Variants in BLOC1S2 observed in about 807,000 individuals in gnomAD.
BLOC1S2 encodes biogenesis of lysosome-related organelles complex 1 subunit 2.
A neutral mutation model predicts 19.6 loss-of-function variants in BLOC1S2; 12 were observed. The ratio of observed to expected loss-of-function variants is 0.61; its 90% CI spans 0.39 to 0.99. The LOEUF is 0.99. Among genes scored for constraint, BLOC1S2 ranks in the 50% least tolerant of loss-of-function variants. The pLI is 0.00. For synonymous variants in BLOC1S2, 66 were observed against 64.1 expected, an observed-to-expected ratio of 1.03 and a Z score of -0.14; for missense variants, 142 against 171.0, an observed-to-expected ratio of 0.83 and a Z score of 0.95.
At chr10:100,278,695 T>A (rs1280959789) in intron 4 of BLOC1S2, among the ~76,000 whole-genome samples, 1 of 152,224 alleles carries the variant, frequency 6.6e-6, no homozygotes, top group Non-Finnish European at 1.5e-5. Flanking sequence ...ACAAACACTC[T>A]GCCTAGGAAA....
intron 1 of BLOC1S2, 180 bp downstream of exon 1, chr10:100,286,425 C>G: frequency 6.8e-7 from 1 of 1,466,108 alleles, no homozygotes; most frequent in Non-Finnish European, 9.1e-7. Context: ...CCCGGCACCC[C>G]CGCTCATCCT....
chr10:100,276,810 G>A (rs1330242216), intron 4 of BLOC1S2, among the ~76,000 whole-genome samples: 2 of 151,780 alleles, frequency 1.3e-5, no homozygotes, highest in Admixed American at 6.6e-5. Flanking sequence ...AGTGCTCAAT[G>A]GTGCCCAGGC....
At chr10:100,278,909 G>A (rs1322119062) in intron 4 of BLOC1S2, among the ~76,000 whole-genome samples, 3 of 151,782 alleles carry the variant, frequency 2.0e-5, no homozygotes, top group Admixed American at 6.6e-5. Context: ...AACACAGCAA[G>A]GCCTTGTTTC....
intron 2 of BLOC1S2, among the ~76,000 whole-genome samples, chr10:100,284,656 A>G (rs570234068): frequency 2.0e-5 from 3 of 152,156 alleles, no homozygotes; most frequent in South Asian, 4.1e-4. Context: ...ACACCTGGCT[A>G]ATTTTTGTAT....
rs773438025 is a variant in BLOC1S2 at position 100,280,247 on chromosome 10, A to G, written c.293-19T>C. The G allele has an allele frequency of 4.4e-6, 7 of 1,575,410 alleles. No individual in the cohort carries two copies. Among genetic ancestry groups the G allele is most frequent in the Non-Finnish European group, 5.2e-6 (6 of 1,157,790 alleles). On this transcript the variant is annotated intron_variant, in intron 3 of 4. Transcript: ENST00000370372. ...CCAGCATCTTTAAAAACAAAGAAAAACTTCATGTTTATATGGCTTTATTAA... is the reference window on the plus strand; with the variant it reads ...CCAGCATCTTTAAAAACAAAGAAAAGCTTCATGTTTATATGGCTTTATTAA...
At chr10:100,280,379 T>C (rs569835432) in intron 3 of BLOC1S2, 151 bp from the exon 4 acceptor site, 13 of 630,382 alleles carry the variant, frequency 2.1e-5, no homozygotes, top group Non-Finnish European at 3.4e-5. Flanking sequence ...GCAGGGCAGA[T>C]GCTTTAGAAG....
rs887036091 is a variant in BLOC1S2, at chr10:100,279,916, T to C, written c.397+208A>G. 8.8e-6 allele frequency: 3 copies of C among 341,842 alleles called. No homozygotes were observed. The Admixed American group carries it at 1.4e-4, about 16-fold the overall frequency. The allele number at this position is 341,842 out of a possible 1,614,324, so 21.2% of individuals were successfully genotyped here. ...AACCAAAAACAAAAACCAAACATAA[T>C]ACATGTAAAGCACTAAGAACAGTGC... On this transcript the variant is annotated intron_variant, in intron 4 of 4. Coordinates refer to ENST00000370372, the MANE Select transcript of BLOC1S2 (RefSeq NM_173809.5).
rs1482603354 is a variant in BLOC1S2 at position 100,275,060 on chromosome 10, T to C, written c.*402A>G. 1 of 400,032 alleles carries C rather than the reference T, an allele frequency of 2.5e-6. No individual in the cohort carries two copies. Among genetic ancestry groups the C allele is most frequent in the Admixed American group, 4.4e-5 (1 of 22,860 alleles). 24.8% of individuals were successfully genotyped at this position (400,032 alleles called of 1,614,324 possible). A position where few individuals can be genotyped will look rare whatever the true frequency, so the allele number is the denominator to read the frequency against. ...TCTTGTTTACAACACATTAGCATCA[T>C]TAACAGAAAAACGACCATTTACATA... On this transcript the variant is annotated 3_prime_UTR_variant, in exon 5 of 5. Transcript: ENST00000370372.
intron 4 of BLOC1S2, among the ~76,000 whole-genome samples, chr10:100,279,562 G>A (rs532583498): frequency 7.9e-5 from 12 of 152,058 alleles, no homozygotes; most frequent in South Asian, 6.2e-4. Context: ...GTGAAACCTC[G>A]TCTCTACTAA....
chr10:100,277,485 CG>C (rs1847930212), intron 4 of BLOC1S2, among the ~76,000 whole-genome samples: 2 of 129,354 alleles, frequency 1.5e-5, no homozygotes, highest in African/African-American at 5.9e-5. Context: ...CCCGGCCAGC[CG>C]TCCCGTCCGG....
chr10:100,285,058 C>A (rs1848199357), intron 2 of BLOC1S2, among the ~76,000 whole-genome samples: 3 of 148,978 alleles, frequency 2.0e-5, no homozygotes, highest in Admixed American at 6.8e-5. Context: ...CATAGTGAGA[C>A]CCTGTCTCTT....
At chr10:100,280,282 T>C (rs1848071648) in intron 3 of BLOC1S2, 54 bp from the exon 4 acceptor site, 2 of 1,482,432 alleles carry the variant, frequency 1.3e-6, no homozygotes. Context: ...ACAAAGAATA[T>C]AGGAAAAGAG....
Position 100,286,660 on chromosome 10 carries a change from A to T in BLOC1S2, c.-1T>A. 1 of 1,610,464 alleles carries T rather than the reference A, an allele frequency of 6.2e-7. No individual in the cohort carries two copies. The highest frequency in any genetic ancestry group is 2.2e-5 in the East Asian group (1 of 44,786). Reference sequence around the variant, plus strand: ...GTACGCCCTCGGCTGCCGCCGCCATAGCGGACCCCGCGCTGTTTCCGGGCC... The same window carrying T: ...GTACGCCCTCGGCTGCCGCCGCCATTGCGGACCCCGCGCTGTTTCCGGGCC... On this transcript the variant is annotated 5_prime_UTR_variant, in exon 1 of 5. Transcript: ENST00000370372.
chr10:100,275,512 A>T lies in BLOC1S2; in HGVS notation c.398-19T>A, dbSNP rs1847828571. 6.3e-7 allele frequency: 1 copy of T among 1,597,914 alleles called. No individual in the cohort carries two copies. Among genetic ancestry groups the T allele is most frequent in the Non-Finnish European group, 8.5e-7 (1 of 1,171,432 alleles). On this transcript the variant is annotated intron_variant, in intron 4 of 4. Coordinates refer to ENST00000370372, the MANE Select transcript of BLOC1S2 (RefSeq NM_173809.5). ...TTGGCTTCTGTGAGGGATGAGGGAG[A>T]GTTACATCTTTTAAAACTGGCTCTT...
chr10:100,286,556 G>C, intron 1 of BLOC1S2, 49 bp downstream of exon 1: 2 of 1,607,824 alleles, frequency 1.2e-6, no homozygotes, highest in Non-Finnish European at 1.7e-6. Flanking sequence ...ACCCGAGACG[G>C]AGCCCCAGGC....
intron 2 of BLOC1S2, among the ~76,000 whole-genome samples, chr10:100,283,385 T>C (rs551240310): frequency 6.6e-6 from 1 of 152,306 alleles, no homozygotes; most frequent in East Asian, 1.9e-4. Context: ...TCGTGCTATG[T>C]TGCCCAGGCT....
Position 100,273,459 on chromosome 10 carries a change from T to A in BLOC1S2, c.*2003A>T, listed in dbSNP as rs1016879522. Reference sequence around the variant, plus strand: ...TAAATCTAAATCTATTTTCAAAAAGTTTATGAAAACTCATCCATGGGAATT... The same window carrying A: ...TAAATCTAAATCTATTTTCAAAAAGATTATGAAAACTCATCCATGGGAATT... On this transcript the variant is annotated 3_prime_UTR_variant, in exon 5 of 5. Transcript: ENST00000370372. 13 of 152,136 alleles carry A rather than the reference T, an allele frequency of 8.5e-5. No individual in the cohort carries two copies. Among genetic ancestry groups the A allele is most frequent in the African/African-American group, 3.1e-4 (13 of 41,434 alleles). 9.4% of individuals were successfully genotyped at this position (152,136 alleles called of 1,614,324 possible).
intron 4 of BLOC1S2, among the ~76,000 whole-genome samples, chr10:100,277,123 G>T (rs1396607567): frequency 6.7e-6 from 1 of 148,728 alleles, no homozygotes; most frequent in Non-Finnish European, 1.5e-5. Flanking sequence ...GCAGCCCACC[G>T]TCTGAGATGT....
intron 2 of BLOC1S2, among the ~76,000 whole-genome samples, chr10:100,283,744 G>A (rs910088520): frequency 1.2e-4 from 18 of 152,110 alleles, no homozygotes; most frequent in African/African-American, 3.9e-4. Flanking sequence ...GCGTGGTGGC[G>A]TGTGCTTGTA....
Sources: gnomAD v4.1 joint callset for allele counts (sites outside exome capture counted in the v4.1 genomes callset) on GRCh38, gnomAD v4.1.1 for gene constraint, MANE v1.5 for transcripts, NCBI Gene and HGNC (gene_info 2026-07-23, HGNC 2026-07-21) for gene names.